The following MAN1A1 variants were observed in gnomAD, a reference collection of about 807,000 sequenced individuals.
MAN1A1 encodes mannosyl-oligosaccharide 1,2-alpha-mannosidase IA.
In MAN1A1, 29 loss-of-function variants were observed where a neutral mutation model predicts 70.8. That is an observed-to-expected ratio of 0.41 (90% CI 0.31 to 0.56). The LOEUF (loss-of-function observed/expected upper bound fraction) is 0.56. MAN1A1 is among the 20% of genes least tolerant of loss of function. The pLI, the probability that MAN1A1 is intolerant of heterozygous loss-of-function variation, is 0.29. For missense variants in MAN1A1, 747 were observed against 841.3 expected, an observed-to-expected ratio of 0.89 and a Z score of 1.39; for synonymous variants, 349 against 330.1, an observed-to-expected ratio of 1.06 and a Z score of -0.62.
chr6:119,289,052 G>C (rs959344587), intron 5 of MAN1A1, among the ~76,000 whole-genome samples: 2 of 97,612 alleles, frequency 2.0e-5, no homozygotes, highest in African/African-American at 7.9e-5. Context: ...TATAATATCT[G>C]TGGGTATTAT....
In MAN1A1 at chr6:119,349,662, G is replaced by A. The variant is rs1582825835; in HGVS notation, c.-343C>T. 3.0e-6 allele frequency: 3 copies of A among 985,818 alleles called. No individual in the cohort carries two copies. The highest frequency in any genetic ancestry group is 1.2e-6 in the Non-Finnish European group (1 of 830,002). The allele number at this position is 985,818 out of a possible 1,614,324, so 61.1% of individuals were successfully genotyped here. On this transcript the variant is annotated 5_prime_UTR_variant, in exon 1 of 13. Transcript: ENST00000368468. Reference sequence around the variant, plus strand: ...GCTGAGCGCGCTGTCCCACGGTCCCGCAGCCCCGGCGCGGCTCAGGTGGGC... The same window carrying A: ...GCTGAGCGCGCTGTCCCACGGTCCCACAGCCCCGGCGCGGCTCAGGTGGGC...
chr6:119,336,765 T>C (rs1424363765), intron 2 of MAN1A1, among the ~76,000 whole-genome samples: 1 of 152,192 alleles, frequency 6.6e-6, no homozygotes, highest in African/African-American at 2.4e-5. Flanking sequence ...ACTGTAAGCA[T>C]TACTCATTAA....
At chr6:119,268,538 G>C (rs1317359737) in intron 5 of MAN1A1, among the ~76,000 whole-genome samples, 1 of 151,990 alleles carries the variant, frequency 6.6e-6, no homozygotes, top group Admixed American at 6.6e-5. Context: ...GCATGTTCCA[G>C]CTCCCTTTTG....
intron 6 of MAN1A1, among the ~76,000 whole-genome samples, chr6:119,236,574 G>A (rs553030478): frequency 1.2e-4 from 18 of 152,118 alleles, no homozygotes; most frequent in African/African-American, 4.1e-4. Flanking sequence ...TAGGCGGGGT[G>A]GTGGGTGCCT....
intron 6 of MAN1A1, among the ~76,000 whole-genome samples, chr6:119,229,837 T>C (rs929999826): frequency 4.6e-5 from 7 of 152,230 alleles, no homozygotes; most frequent in African/African-American, 1.7e-4. Context: ...TTCTAAGCTG[T>C]AGCAATTGTG....
At chr6:119,261,201 G>A (rs956725370) in intron 5 of MAN1A1, among the ~76,000 whole-genome samples, 13 of 151,892 alleles carry the variant, frequency 8.6e-5, no homozygotes, top group African/African-American at 2.4e-4. Flanking sequence ...GGATGGTCTC[G>A]ATCTCCTGAC....
chr6:119,184,186 A>C (rs1020196630), intron 11 of MAN1A1, among the ~76,000 whole-genome samples: 1 of 152,088 alleles, frequency 6.6e-6, no homozygotes, highest in Non-Finnish European at 1.5e-5. Context: ...TGTATGACTA[A>C]GTCTAACCAG....
intron 5 of MAN1A1, among the ~76,000 whole-genome samples, chr6:119,257,873 A>C (rs1457616066): frequency 6.6e-6 from 1 of 152,208 alleles, no homozygotes; most frequent in African/African-American, 2.4e-5. Context: ...GTCATTATAC[A>C]GTGCCTAAAG....
At chr6:119,248,044 T>C (rs1775216171) in intron 6 of MAN1A1, among the ~76,000 whole-genome samples, 1 of 152,192 alleles carries the variant, frequency 6.6e-6, no homozygotes, top group African/African-American at 2.4e-5. Context: ...TGAATGACTC[T>C]GTTGAGGTCA....
At chr6:119,311,178 C>T (rs1433741313) in intron 2 of MAN1A1, among the ~76,000 whole-genome samples, 1 of 152,222 alleles carries the variant, frequency 6.6e-6, no homozygotes, top group Non-Finnish European at 1.5e-5. Flanking sequence ...GCCCGACACA[C>T]ATTAAGTGCT....
chr6:119,257,775 T>C (rs1487192351), intron 5 of MAN1A1, among the ~76,000 whole-genome samples: 1 of 152,134 alleles, frequency 6.6e-6, no homozygotes, highest in Non-Finnish European at 1.5e-5. Context: ...GTACCACATG[T>C]GTTATTGTAG....
Position 119,348,878 on chromosome 6 carries a change from G to A in MAN1A1, c.188C>T (p.Pro63Leu). ...CCCGCTGAGCAGCTTGGAGGAGTCT[G>A]GCAGGAAGAAGATCGCCCCGAAGCA... is the stretch of plus-strand genomic sequence containing the variant. ...TLCFGAIFFL[P>L]DSSKLLSGVL... The change falls in exon 2 of 13, where the codon CCA becomes CTA. Residue 63 changes from proline to leucine, a missense_variant. By Grantham distance (98) the Pro-to-Leu change is moderately conservative. Coordinates refer to ENST00000368468, the MANE Select transcript of MAN1A1 (RefSeq NM_005907.4). 6.5e-7 allele frequency: 1 copy of A among 1,533,834 alleles called. No individual in the cohort carries two copies.
chr6:119,191,514 A>C (rs1316457549), intron 9 of MAN1A1, among the ~76,000 whole-genome samples: 1 of 152,202 alleles, frequency 6.6e-6, no homozygotes, highest in Non-Finnish European at 1.5e-5. Context: ...GATCTGAAAA[A>C]ACTGTGTCAA....
intron 4 of MAN1A1, among the ~76,000 whole-genome samples, chr6:119,297,056 A>C (rs1474195847): frequency 1.3e-5 from 2 of 152,250 alleles, no homozygotes; most frequent in African/African-American, 4.8e-5. Flanking sequence ...AATATTTCTC[A>C]TGTGAGGTTC....
intron 2 of MAN1A1, among the ~76,000 whole-genome samples, chr6:119,319,313 G>T (rs1330116881): frequency 3.3e-5 from 5 of 151,278 alleles, no homozygotes; most frequent in Non-Finnish European, 7.4e-5. Flanking sequence ...TTCTGGTAGG[G>T]TTTTAAAATC....
chr6:119,238,103 A>C (rs1774905523), intron 6 of MAN1A1, among the ~76,000 whole-genome samples: 1 of 152,210 alleles, frequency 6.6e-6, no homozygotes. Flanking sequence ...TATGGCAAAT[A>C]TGTAATTCAT....
chr6:119,340,618 G>A (rs559470794), intron 2 of MAN1A1, among the ~76,000 whole-genome samples: 1 of 152,078 alleles, frequency 6.6e-6, no homozygotes, highest in Non-Finnish European at 1.5e-5. Context: ...CAGACAAACA[G>A]GCACCAGCAA....
intron 2 of MAN1A1, among the ~76,000 whole-genome samples, chr6:119,327,785 T>G (rs1270844910): frequency 6.6e-6 from 1 of 152,160 alleles, no homozygotes; most frequent in Non-Finnish European, 1.5e-5. Flanking sequence ...GGTTACATAT[T>G]TTGAAATGTG....
intron 6 of MAN1A1, among the ~76,000 whole-genome samples, chr6:119,223,848 TTA>T (rs1022570921): frequency 1.3e-5 from 2 of 151,472 alleles, no homozygotes; most frequent in Admixed American, 6.6e-5. Context: ...AATCTGGGCA[TTA>T]TATATATATA....
Sources: gnomAD v4.1 joint callset for allele counts (sites outside exome capture counted in the v4.1 genomes callset) on GRCh38, gnomAD v4.1.1 for gene constraint, MANE v1.5 for transcripts, NCBI Gene and HGNC (gene_info 2026-07-23, HGNC 2026-07-21) for gene names.